The following SPSB1 variants were observed in gnomAD, a reference collection of about 807,000 sequenced individuals.
SPSB1 encodes the protein splA/ryanodine receptor domain and SOCS box containing 1, also known as SPRY domain-containing SOCS box protein 1.
A neutral mutation model predicts 21.2 loss-of-function variants in SPSB1; 8 were observed. That is an observed-to-expected ratio of 0.38 (90% CI 0.22 to 0.68). SPSB1 has a LOEUF of 0.68. SPSB1 is among the 30% of genes least tolerant of loss of function. SPSB1 has a pLI of 0.53. For missense variants in SPSB1, 242 were observed against 377.8 expected (o/e 0.64, Z 2.98); for synonymous variants, 169 against 161.7 (o/e 1.05, Z -0.34).
At chr1:9,310,233 C>G (rs1351584779) in intron 1 of SPSB1, among the ~76,000 whole-genome samples, 1 of 152,102 alleles carries the variant, frequency 6.6e-6, no homozygotes, top group East Asian at 1.9e-4. Flanking sequence ...GTCTAGGGCC[C>G]GTGCTGGTGG....
intron 2 of SPSB1, among the ~76,000 whole-genome samples, chr1:9,360,130 C>G (rs1640445732): frequency 6.6e-6 from 1 of 152,090 alleles, no homozygotes; most frequent in Non-Finnish European, 1.5e-5. Context: ...AGCTGCCACC[C>G]TGGGTGAGGT....
In SPSB1 at chr1:9,321,888, C is replaced by A; in HGVS notation, c.-150+28817C>A. 6.6e-6 allele frequency among the ~76,000 whole-genome samples: 1 copy of A among 152,126 alleles called. No homozygotes were observed. The highest frequency in any genetic ancestry group is 6.5e-5 in the Admixed American group (1 of 15,274). On this transcript the variant is annotated intron_variant, in intron 1 of 2. Coordinates refer to ENST00000328089, the MANE Select transcript of SPSB1 (RefSeq NM_025106.4). This position sits in a 1 kb window ranked among gnomAD's most constrained non-coding sequence, Gnocchi z 4.8. ...GGGCAGAGTGGGGTGGGGAATATGA[C>A]AGCAGCAAGATTAATACCCGTAGGT...
intron 1 of SPSB1, among the ~76,000 whole-genome samples, chr1:9,306,529 T>C (rs1028606292): frequency 6.6e-6 from 1 of 152,186 alleles, no homozygotes; most frequent in African/African-American, 2.4e-5. Flanking sequence ...TCAGTCGTCA[T>C]AATGTCCGTG....
Position 9,293,058 on chromosome 1 carries a change from G to T in SPSB1, c.-163G>T, listed in dbSNP as rs1348460152. The T allele has an allele frequency of 5.1e-6, 5 of 980,798 alleles. No individual in the cohort carries two copies. The highest frequency in any genetic ancestry group is 6.0e-6 in the Non-Finnish European group (5 of 827,176). The allele number at this position is 980,798 out of a possible 1,614,324, so 60.8% of individuals were successfully genotyped here. A position where few individuals can be genotyped will look rare whatever the true frequency, so the allele number is the denominator to read the frequency against. On this transcript the variant is annotated 5_prime_UTR_variant, in exon 1 of 3. Coordinates refer to ENST00000328089, the MANE Select transcript of SPSB1 (RefSeq NM_025106.4). The surrounding 1 kb of genome is among the most constrained non-coding windows in gnomAD (Gnocchi z 5.1). ...GCCTTGGAGAGCAGCGGCGGCGGCG[G>T]CACCCCGGGCGCGGTAGGCGGCGCG...
rs760569884 is a variant in SPSB1, at chr1:9,336,387, C to T, written c.-149-19356C>T. On this transcript the variant is annotated intron_variant, in intron 1 of 2. Coordinates refer to ENST00000328089, the MANE Select transcript of SPSB1 (RefSeq NM_025106.4). ...GATTACAGGCACGCACCACTATGCC[C>T]GGCTAATTTTGTATTTTTAGTAGAG... Among the ~76,000 whole-genome samples the T allele has an allele frequency of 8.6e-5, 13 of 151,964 alleles. 1 individual carries two copies. The highest frequency in any genetic ancestry group is 4.4e-5 in the Non-Finnish European group (3 of 67,992).
rs1001435788 is a variant in SPSB1 at position 9,299,796 on chromosome 1, A to T, written c.-150+6725A>T. 1.2e-4 allele frequency among the ~76,000 whole-genome samples: 17 copies of T among 145,872 alleles called. 2 individuals carry two copies. The East Asian group carries it at 2.0e-3, about 17-fold the overall frequency. On this transcript the variant is annotated intron_variant, in intron 1 of 2. Coordinates refer to ENST00000328089, the MANE Select transcript of SPSB1 (RefSeq NM_025106.4). ...GCCCGGGCCGACATCATCTCTATAA[A>T]TTTTTTTTTTTTTTAAATTAGCCAG... is the stretch of plus-strand genomic sequence containing the variant.
chr1:9,299,061 A>C (rs1489431322), intron 1 of SPSB1, among the ~76,000 whole-genome samples: 1 of 152,258 alleles, frequency 6.6e-6, no homozygotes, highest in African/African-American at 2.4e-5. Context: ...TGGCCTGTGC[A>C]GAAGACAGAT....
chr1:9,363,441 C>G lies in SPSB1; in HGVS notation c.695-4007C>G, dbSNP rs1569665834. 6.6e-6 allele frequency among the ~76,000 whole-genome samples: 1 copy of G among 152,190 alleles called. No individual in the cohort carries two copies. Among genetic ancestry groups the G allele is most frequent in the African/African-American group, 2.4e-5 (1 of 41,442 alleles). On this transcript the variant is annotated intron_variant, in intron 2 of 2. Transcript: ENST00000328089. This position sits in a 1 kb window ranked among gnomAD's most constrained non-coding sequence, Gnocchi z 4.5. ...CCAGGCTGTGGCAAGTCCTCTACCC[C>G]ACACAGCTGCGTTCACAGGGGATGG...
chr1:9,299,712 C>G (rs1639294421), intron 1 of SPSB1, among the ~76,000 whole-genome samples: 1 of 152,058 alleles, frequency 6.6e-6, no homozygotes, highest in African/African-American at 2.4e-5. Flanking sequence ...CTCCTGACAC[C>G]AAGTGATTCA....
At chr1:9,295,751 A>G (rs1031598188) in intron 1 of SPSB1, among the ~76,000 whole-genome samples, 1 of 152,216 alleles carries the variant, frequency 6.6e-6, no homozygotes, top group Middle Eastern at 3.2e-3. Flanking sequence ...ACTTGCCTGC[A>G]GACGCATTTT....
chr1:9,349,412 G>T (rs963359636), intron 1 of SPSB1, among the ~76,000 whole-genome samples: 12 of 152,242 alleles, frequency 7.9e-5, no homozygotes, highest in Non-Finnish European at 1.8e-4. Flanking sequence ...CAGGAGTGGG[G>T]GTAGGTGAGT....
chr1:9,368,048 G>A lies in SPSB1; in HGVS notation c.*473G>A, dbSNP rs535578989. On this transcript the variant is annotated 3_prime_UTR_variant, in exon 3 of 3. Coordinates refer to ENST00000328089, the MANE Select transcript of SPSB1 (RefSeq NM_025106.4). Reference sequence around the variant, plus strand: ...TGGTGCCCGGCCCAGGGTGCCCAGCGGGGCCATGCCATGGCAGATAAAGCT... The same window carrying A: ...TGGTGCCCGGCCCAGGGTGCCCAGCAGGGCCATGCCATGGCAGATAAAGCT... 37 of 167,380 alleles carry A rather than the reference G, an allele frequency of 2.2e-4. No homozygotes were observed. The highest frequency in any genetic ancestry group is 3.1e-3 in the Middle Eastern group (1 of 324). The allele number at this position is 167,380 out of a possible 1,614,324, so 10.4% of individuals were successfully genotyped here. A position where few individuals can be genotyped will look rare whatever the true frequency, so the allele number is the denominator to read the frequency against.
At chr1:9,364,047 G>C (rs1472933537) in intron 2 of SPSB1, among the ~76,000 whole-genome samples, 1 of 152,200 alleles carries the variant, frequency 6.6e-6, no homozygotes, top group Non-Finnish European at 1.5e-5. Context: ...ACACCAAGAG[G>C]GTAGTGACTG....
chr1:9,335,733 A>G lies in SPSB1; in HGVS notation c.-149-20010A>G, dbSNP rs542010662. ...GAAGATCACTTGAGCACTTGAGCCCAGAAGGTTGAGCCTGCAGTGAGCCAT... is the reference window on the plus strand; with the variant it reads ...GAAGATCACTTGAGCACTTGAGCCCGGAAGGTTGAGCCTGCAGTGAGCCAT... On this transcript the variant is annotated intron_variant, in intron 1 of 2. Transcript: ENST00000328089. Among the ~76,000 whole-genome samples the G allele has an allele frequency of 1.4e-4, 21 of 152,208 alleles. No homozygotes were observed. In the Middle Eastern group the frequency reaches 0.01, roughly 74 times the overall value.
chr1:9,349,655 C>T (rs80118388), intron 1 of SPSB1, among the ~76,000 whole-genome samples: 2,921 of 152,342 alleles, frequency 0.019, 101 homozygotes, highest in African/African-American at 0.068. Context: ...GTGCCACACA[C>T]AATCCGCCAC....
intron 1 of SPSB1, among the ~76,000 whole-genome samples, chr1:9,347,237 C>CA (rs1425715662): frequency 2.0e-5 from 3 of 152,338 alleles, no homozygotes; most frequent in African/African-American, 7.2e-5. Context: ...GCATTCAGGA[C>CA]AATAGTGCTT....
At position 9,325,231 on chromosome 1, in the gene SPSB1, C is replaced by A. The variant is rs1321461419; in HGVS notation, c.-149-30512C>A. 4.8e-4 allele frequency among the ~76,000 whole-genome samples: 72 copies of A among 150,258 alleles called. 2 individuals carry two copies. In the East Asian group the frequency reaches 0.01, roughly 21 times the overall value. The stretch of plus-strand genomic sequence containing the variant: ...GCCAATGCCTCCCACCACCACCCCC[C>A]CCCCCCGCCCCGCCTCCACCGGTGC... On this transcript the variant is annotated intron_variant, in intron 1 of 2. Transcript: ENST00000328089.
At chr1:9,334,789 T>A (rs1303548749) in intron 1 of SPSB1, among the ~76,000 whole-genome samples, 1 of 152,224 alleles carries the variant, frequency 6.6e-6, no homozygotes, top group Non-Finnish European at 1.5e-5. Context: ...GTAAGTGCAA[T>A]CATATAGTAT....
At chr1:9,361,368 A>G (rs1640475309) in intron 2 of SPSB1, among the ~76,000 whole-genome samples, 1 of 151,438 alleles carries the variant, frequency 6.6e-6, no homozygotes, top group Non-Finnish European at 1.5e-5. Context: ...AGGTGGAGGT[A>G]GTTCCACTCC....
Sources: gnomAD v4.1 joint callset for allele counts (sites outside exome capture counted in the v4.1 genomes callset) on GRCh38, gnomAD v4.1.1 for gene constraint, Gnocchi (gnomAD v3.1) non-coding constraint, MANE v1.5 for transcripts, NCBI Gene and HGNC (gene_info 2026-07-23, HGNC 2026-07-21) for gene names.